The following AFF3 variants were observed in gnomAD, a reference collection of about 807,000 sequenced individuals.
AFF3 encodes AF4/FMR2 family member 3.
A neutral mutation model predicts 129.7 loss-of-function variants in AFF3; 32 were observed. The observed-to-expected ratio is 0.25, with a 90% CI of 0.19 to 0.33. AFF3 has a LOEUF of 0.33. Ranked by LOEUF, AFF3 falls within the 10% of genes least tolerant of loss-of-function variation. AFF3 has a pLI of 1.00. For synonymous variants in AFF3, 644 were observed against 635.4 expected (o/e 1.01, Z -0.20); for missense variants, 1,373 against 1,592.0 (o/e 0.86, Z 2.34).
intron 2 of AFF3, chr2:100,112,251 C>T (rs1006879313): frequency 6.6e-6 from 1 of 152,228 alleles, no homozygotes; most frequent in Non-Finnish European, 1.5e-5. Context: ...ATGAGAGAAA[C>T]CCCACCTTCT....
rs1215269206 is a variant in AFF3, at chr2:99,642,688, T to A, written c.1184+6938A>T. Among the ~76,000 whole-genome samples, 3 of 152,176 alleles carry A rather than the reference T, an allele frequency of 2.0e-5. No individual in the cohort carries two copies. The East Asian group carries it at 5.8e-4, about 29-fold the overall frequency. On this transcript the variant is annotated intron_variant, in intron 13 of 24. Transcript: ENST00000672756. ...CAAAACGTGGCCCAAACCTCCTATC[T>A]CCGACCCCAGCCAAGCTGCTCTATT... is the stretch of plus-strand genomic sequence containing the variant.
At chr2:99,608,831 A>G (rs1680631726) in intron 13 of AFF3, among the ~76,000 whole-genome samples, 1 of 152,238 alleles carries the variant, frequency 6.6e-6, no homozygotes, top group South Asian at 2.1e-4. Context: ...AGTTTTAACA[A>G]TGAAAAGTTT....
chr2:99,737,876 A>G (rs1380594698), intron 10 of AFF3, among the ~76,000 whole-genome samples: 1 of 151,786 alleles, frequency 6.6e-6, no homozygotes, highest in Non-Finnish European at 1.5e-5. Flanking sequence ...ATAATTTCTT[A>G]AATTCAACTT....
intron 9 of AFF3, among the ~76,000 whole-genome samples, chr2:99,751,589 G>A (rs1361864195): frequency 6.6e-6 from 1 of 152,208 alleles, no homozygotes; most frequent in Non-Finnish European, 1.5e-5. Context: ...CTGGCTTGGA[G>A]TGCCAGGGAT....
intron 11 of AFF3, among the ~76,000 whole-genome samples, chr2:99,711,697 T>A (rs1411760512): frequency 6.6e-6 from 1 of 152,244 alleles, no homozygotes; most frequent in Non-Finnish European, 1.5e-5. Context: ...CTTTGTAGTA[T>A]CCTGCATTCC....
In AFF3 at chr2:100,006,901, T is replaced by A; in HGVS notation, c.604A>T (p.Met202Leu). ...CCGCTGCTGCTGTGCTTGGCCGCCA[T>A]GGCAGGTGGCCTCTCCTGGGTCTGA... is the stretch of plus-strand genomic sequence containing the variant. ...GLQTQERPPA[M>L]AAKHSSSGHC... The change falls in exon 7 of 25, where the codon ATG (methionine) becomes TTG (leucine). Residue 202 changes from methionine (M) to leucine (L), a missense_variant. Met to Leu is a conservative substitution (Grantham distance 15, BLOSUM62 2). Coordinates refer to ENST00000672756, the MANE Select transcript of AFF3 (RefSeq NM_001386135.1). 6.2e-7 allele frequency: 1 copy of A among 1,614,176 alleles called. No homozygotes were observed. The highest frequency in any genetic ancestry group is 8.5e-7 in the Non-Finnish European group (1 of 1,180,034).
intron 14 of AFF3, among the ~76,000 whole-genome samples, chr2:99,600,784 A>G (rs1224700365): frequency 2.0e-5 from 3 of 152,162 alleles, no homozygotes; most frequent in Non-Finnish European, 2.9e-5. Flanking sequence ...TTCCTACTTT[A>G]AAGTAGAAAC....
chr2:100,105,293 G>C (rs1213962273), intron 3 of AFF3: 1 of 1,183,178 alleles, frequency 8.5e-7, no homozygotes, highest in Non-Finnish European at 1.1e-6. Flanking sequence ...CCAGGCGCGG[G>C]GAGAGTGAGC....
At chr2:99,781,546 A>G (rs1325694207) in intron 8 of AFF3, among the ~76,000 whole-genome samples, 2 of 152,180 alleles carry the variant, frequency 1.3e-5, no homozygotes, top group African/African-American at 4.8e-5. Flanking sequence ...CAGCCACACC[A>G]CTTCACTCAC....
chr2:99,963,779 T>C (rs1026882170), intron 7 of AFF3, among the ~76,000 whole-genome samples: 1 of 151,966 alleles, frequency 6.6e-6, no homozygotes, highest in Non-Finnish European at 1.5e-5. Context: ...AACATATCAA[T>C]AATTACCTTA....
At chr2:99,579,420 A>T (rs1677314218) in intron 17 of AFF3, among the ~76,000 whole-genome samples, 1 of 133,096 alleles carries the variant, frequency 7.5e-6, no homozygotes, top group African/African-American at 3.0e-5. Context: ...AAAAAAAAAA[A>T]TAAATAAATA....
chr2:100,009,455 G>T (rs375607403), intron 4 of AFF3, among the ~76,000 whole-genome samples: 2 of 151,776 alleles, frequency 1.3e-5, no homozygotes, highest in African/African-American at 4.8e-5. Flanking sequence ...TCTGATCTCT[G>T]TTAATCAGTC....
At chr2:99,578,209 G>A (rs1243613610) in intron 18 of AFF3, 118 bp downstream of exon 18, 1 of 1,379,426 alleles carries the variant, frequency 7.2e-7, no homozygotes, top group South Asian at 1.7e-5. Context: ...AAGTCCCAGG[G>A]GAAAAAAAGG....
At chr2:100,093,155 G>T (rs1690000764) in intron 4 of AFF3, among the ~76,000 whole-genome samples, 1 of 151,470 alleles carries the variant, frequency 6.6e-6, no homozygotes, top group African/African-American at 2.4e-5. Context: ...CATCCAGACT[G>T]GAGTGCAGTG....
chr2:99,634,806 T>G (rs1200469218), intron 13 of AFF3, among the ~76,000 whole-genome samples: 1 of 151,912 alleles, frequency 6.6e-6, no homozygotes, highest in Non-Finnish European at 1.5e-5. Context: ...CCAGATCCAC[T>G]TCCTTGGATA....
intron 7 of AFF3, among the ~76,000 whole-genome samples, chr2:99,945,149 C>T (rs890529695): frequency 4.6e-5 from 7 of 152,126 alleles, no homozygotes; most frequent in Non-Finnish European, 8.8e-5. Context: ...AGATGCAAAC[C>T]GAGCACACAG....
chr2:99,586,268 C>T (rs2104878515), intron 16 of AFF3, among the ~76,000 whole-genome samples: 1 of 152,314 alleles, frequency 6.6e-6, no homozygotes, highest in East Asian at 1.9e-4. Context: ...GGGCAGCATG[C>T]AGGGGCAGCC....
chr2:100,046,535 T>G (rs2105098266), intron 4 of AFF3, among the ~76,000 whole-genome samples: 1 of 152,324 alleles, frequency 6.6e-6, no homozygotes, highest in East Asian at 1.9e-4. Context: ...CTGAGTTCCC[T>G]CACTTCATCT....
intron 20 of AFF3, among the ~76,000 whole-genome samples, chr2:99,565,233 T>C (rs1046876486): frequency 2.0e-5 from 3 of 151,984 alleles, no homozygotes; most frequent in Non-Finnish European, 4.4e-5. Context: ...GGAGCAGGCA[T>C]GTCACAGCCC....
Sources: gnomAD v4.1 joint callset for allele counts (sites outside exome capture counted in the v4.1 genomes callset) on GRCh38, gnomAD v4.1.1 for gene constraint, MANE v1.5 for transcripts, NCBI Gene and HGNC (gene_info 2026-07-23, HGNC 2026-07-21) for gene names.